DRAM1: variants seen among roughly 807,000 people sequenced by gnomAD.
DRAM1 encodes DNA damage regulated autophagy modulator 1, also known as DNA damage-regulated autophagy modulator protein 1.
In DRAM1, 25 loss-of-function variants were observed where a neutral mutation model predicts 28.5. That is an observed-to-expected ratio of 0.88 (90% CI 0.64 to 1.23). DRAM1 has a LOEUF of 1.23. DRAM1 is among the 50% of genes most tolerant of loss of function. The pLI, the probability that DRAM1 is intolerant of heterozygous loss-of-function variation, is 0.00. For synonymous variants in DRAM1, 113 were observed against 114.2 expected (o/e 0.99, Z 0.07); for missense variants, 249 against 299.2 (o/e 0.83, Z 1.24).
At chr12:101,907,959 C>A (rs1459355294) in intron 3 of DRAM1, among the ~76,000 whole-genome samples, 2 of 152,104 alleles carry the variant, frequency 1.3e-5, no homozygotes, top group East Asian at 3.9e-4. Context: ...TAAGGCAGAC[C>A]TCCTTTCCTT....
chr12:101,920,297 CTT>C (rs373899697), intron 6 of DRAM1, 96 bp downstream of exon 6: 12,324 of 269,864 alleles, frequency 0.046, 1 homozygote, highest in South Asian at 0.063. Context: ...AGAGCACTTT[CTT>C]TTTTTTTTTT....
intron 5 of DRAM1, among the ~76,000 whole-genome samples, chr12:101,919,083 A>G (rs1433510560): frequency 6.6e-6 from 1 of 151,516 alleles, no homozygotes; most frequent in East Asian, 1.9e-4. Flanking sequence ...CACCCCACCC[A>G]GCTAATTTTT....
rs771878729 is a variant in DRAM1, at chr12:101,877,907, C to T, written c.118C>T (p.Leu40Phe). Residue 40 changes from leucine (L) to phenylalanine (F), a missense_variant, in exon 1 of 7, where the codon CTC becomes TTC. Physicochemically the swap from Leu to Phe is conservative, Grantham distance 22. Around this residue, in one of 3 missense-constraint regions of DRAM1, gnomAD observed 218 missense variants for 243.1 expected, o/e 0.90. Coordinates refer to ENST00000258534, the MANE Select transcript of DRAM1 (RefSeq NM_018370.3). This position sits in a 1 kb window ranked among gnomAD's most constrained non-coding sequence, Gnocchi z 4.1. ...AVLSGHVNPFLPYISDTGTTP... is the reference protein window; with the variant it reads ...AVLSGHVNPFFPYISDTGTTP... ...GCTCTCCGGGCACGTCAACCCCTTC[C>T]TCCCGTATATCAGGTGAGTGGCAGG... The T allele has an allele frequency of 4.6e-5, 71 of 1,537,968 alleles. No individual in the cohort carries two copies. The highest frequency in any genetic ancestry group is 1.7e-5 in the Non-Finnish European group (19 of 1,139,004).
At chr12:101,882,107 A>ATTTTTTTT (rs78402038) in intron 1 of DRAM1, among the ~76,000 whole-genome samples, 260 of 129,536 alleles carry the variant, frequency 2.0e-3, no homozygotes, top group Middle Eastern at 4.4e-3. Context: ...TGATGGTCTA[A>ATTTTTTTT]TTTTTTTTTT....
At chr12:101,878,227 T>C (rs543797446) in intron 1 of DRAM1, among the ~76,000 whole-genome samples, 7 of 152,284 alleles carry the variant, frequency 4.6e-5, no homozygotes, top group African/African-American at 1.4e-4. Flanking sequence ...TTAGGCGATA[T>C]TGAAACAAGA....
chr12:101,920,236 G>A (rs755832252), intron 6 of DRAM1, 35 bp downstream of exon 6: 20 of 1,446,822 alleles, frequency 1.4e-5, no homozygotes, highest in Middle Eastern at 1.8e-4. Context: ...TTTAAATTGC[G>A]GACAATTAGG....
At position 101,877,987 on chromosome 12, in the gene DRAM1, G is replaced by C. The variant is rs922825953; in HGVS notation, c.131+67G>C. 9 of 1,365,576 alleles carry C rather than the reference G, an allele frequency of 6.6e-6. No homozygotes were observed. Among genetic ancestry groups the C allele is most frequent in the Non-Finnish European group, 8.6e-6 (9 of 1,044,668 alleles). The allele number at this position is 1,365,576 out of a possible 1,614,324, so 84.6% of individuals were successfully genotyped here. A position where few individuals can be genotyped will look rare whatever the true frequency, so the allele number is the denominator to read the frequency against. On this transcript the variant is annotated intron_variant, in intron 1 of 6. Coordinates refer to ENST00000258534, the MANE Select transcript of DRAM1 (RefSeq NM_018370.3). This position sits in a 1 kb window ranked among gnomAD's most constrained non-coding sequence, Gnocchi z 4.1. ...AGGGACCACAGGGAGCGCTGCCGAC[G>C]GGGAGGGAAGGCGTCCGGACCCAGC...
intron 1 of DRAM1, among the ~76,000 whole-genome samples, chr12:101,890,963 A>T (rs1873103874): frequency 6.6e-6 from 1 of 151,708 alleles, no homozygotes. Context: ...GTTGGCCAGG[A>T]TGGTCTCGAT....
chr12:101,901,264 A>G (rs777022575), intron 2 of DRAM1, 27 bp from the exon 3 acceptor site: 377 of 1,580,186 alleles, frequency 2.4e-4, no homozygotes, highest in Middle Eastern at 3.4e-4. Context: ...AATTATGAAC[A>G]TTCATCAAAG....
intron 1 of DRAM1, among the ~76,000 whole-genome samples, chr12:101,892,268 C>G (rs148358754): frequency 0.02 from 2,952 of 150,756 alleles, 93 homozygotes; most frequent in African/African-American, 0.069. Flanking sequence ...CAGAGTCTTG[C>G]TGTGTCGCCC....
At position 101,913,928 on chromosome 12, in the gene DRAM1, A is replaced by G. The variant is rs573075242; in HGVS notation, c.521-246A>G. Among the ~76,000 whole-genome samples the G allele has an allele frequency of 6.2e-4, 94 of 152,200 alleles. 1 individual carries two copies. The South Asian group carries it at 0.019, about 31-fold the overall frequency. On this transcript the variant is annotated intron_variant, in intron 4 of 6. Coordinates refer to ENST00000258534, the MANE Select transcript of DRAM1 (RefSeq NM_018370.3). ...ATTTTACTATACACACTGGAAAACT[A>G]TTGCGAAGGTATTTCCGTGTTGTGA...
chr12:101,884,933 GT>G (rs779895150), intron 1 of DRAM1, among the ~76,000 whole-genome samples: 355 of 134,386 alleles, frequency 2.6e-3, no homozygotes, highest in African/African-American at 4.1e-3. Flanking sequence ...TAGAGAAAAT[GT>G]TTTTTTTTTT....
intron 5 of DRAM1, among the ~76,000 whole-genome samples, chr12:101,919,763 C>A (rs1450390631): frequency 2.0e-5 from 3 of 152,198 alleles, no homozygotes; most frequent in African/African-American, 7.2e-5. Flanking sequence ...AGAGCGAGAC[C>A]AAGTCATGCC....
chr12:101,915,533 A>G (rs1300550064), intron 5 of DRAM1, among the ~76,000 whole-genome samples: 1 of 129,654 alleles, frequency 7.7e-6, no homozygotes, highest in Non-Finnish European at 1.6e-5. Flanking sequence ...TGACCAGAGT[A>G]AGACTTTGAA....
At chr12:101,907,593 G>T (rs960561952) in intron 3 of DRAM1, among the ~76,000 whole-genome samples, 24 of 151,664 alleles carry the variant, frequency 1.6e-4, no homozygotes, top group African/African-American at 5.3e-4. Context: ...ACAAAAATTA[G>T]CCGGGCGTGG....
intron 1 of DRAM1, among the ~76,000 whole-genome samples, chr12:101,887,547 T>C (rs1319917688): frequency 2.0e-5 from 3 of 152,078 alleles, no homozygotes; most frequent in East Asian, 3.9e-4. Flanking sequence ...TCTTTTTTTT[T>C]TGAGACGAAG....
chr12:101,908,893 C>CAAAAAA (rs56843086), intron 4 of DRAM1, among the ~76,000 whole-genome samples: 65 of 70,642 alleles, frequency 9.2e-4, no homozygotes, highest in Non-Finnish European at 1.3e-3. Flanking sequence ...TCCCCACAAC[C>CAAAAAA]AAAAAAAAAA....
intron 1 of DRAM1, among the ~76,000 whole-genome samples, chr12:101,892,835 A>T (rs1006083679): frequency 6.6e-6 from 1 of 152,174 alleles, no homozygotes; most frequent in Non-Finnish European, 1.5e-5. Flanking sequence ...TGTGACTCAG[A>T]TTGTATCTAA....
At chr12:101,896,468 A>T (rs1873378246) in intron 1 of DRAM1, among the ~76,000 whole-genome samples, 1 of 152,146 alleles carries the variant, frequency 6.6e-6, no homozygotes, top group African/African-American at 2.4e-5. Flanking sequence ...CACTAATAGA[A>T]AATAGAACAT....
Sources: gnomAD v4.1 joint callset for allele counts (sites outside exome capture counted in the v4.1 genomes callset) on GRCh38, gnomAD v4.1.1 for gene constraint, gnomAD v4.1.1 regional missense constraint, Gnocchi (gnomAD v3.1) non-coding constraint, MANE v1.5 for transcripts, NCBI Gene and HGNC (gene_info 2026-07-23, HGNC 2026-07-21) for gene names.